Variants in AGBL5 observed in about 807,000 individuals in gnomAD.
AGBL5 encodes cytosolic carboxypeptidase-like protein 5.
Under a neutral mutation model 88.0 loss-of-function variants are expected in AGBL5, and 51 were observed. The ratio of observed to expected loss-of-function variants is 0.58; its 90% confidence interval spans 0.46 to 0.73. The LOEUF is 0.73. AGBL5 is among the 30% of genes least tolerant of loss of function. The pLI, the probability that AGBL5 is intolerant of heterozygous loss-of-function variation, is 0.00. For synonymous variants in AGBL5, 446 were observed against 438.8 expected (o/e 1.02, Z -0.21); for missense variants, 1,031 against 1,162.2 (o/e 0.89, Z 1.64).
chr2:27,068,048 G>A (rs530570133), intron 12 of AGBL5, among the ~76,000 whole-genome samples: 24 of 152,272 alleles, frequency 1.6e-4, no homozygotes, highest in Middle Eastern at 3.4e-3. Context: ...GTGTGTAGCC[G>A]TATCATTCAC....
chr2:27,057,646 A>G (rs1187401987), intron 9 of AGBL5, among the ~76,000 whole-genome samples: 1 of 152,246 alleles, frequency 6.6e-6, no homozygotes, highest in East Asian at 1.9e-4. Context: ...CTGACCCCAC[A>G]TCACAGAGAA....
chr2:27,059,598 T>TGGC (rs540067332), intron 11 of AGBL5, 194 bp downstream of exon 11: 2 of 1,343,534 alleles, frequency 1.5e-6, no homozygotes, highest in Non-Finnish European at 2.0e-6. Flanking sequence ...GTATTGTGTG[T>TGGC]GGCCAGAGGG....
chr2:27,057,802 G>A (rs560475175), intron 9 of AGBL5, among the ~76,000 whole-genome samples: 1 of 152,324 alleles, frequency 6.6e-6, no homozygotes. Flanking sequence ...CTGGCCAGGT[G>A]CGGTGGCTCA....
intron 6 of AGBL5, 121 bp downstream of exon 6, chr2:27,055,374 C>A: frequency 7.6e-7 from 1 of 1,313,154 alleles, no homozygotes; most frequent in Non-Finnish European, 1.1e-6. Flanking sequence ...CTAATAAAGG[C>A]AAGCCCATCT....
intron 11 of AGBL5, among the ~76,000 whole-genome samples, chr2:27,060,064 G>A (rs1454975787): frequency 3.3e-5 from 5 of 152,194 alleles, no homozygotes; most frequent in Admixed American, 6.5e-5. Flanking sequence ...CAGGAGAATC[G>A]CTTGAACCCA....
chr2:27,058,418 A>G lies in AGBL5; in HGVS notation c.1690A>G (p.Ile564Val), dbSNP rs367947882. Residue 564 changes from isoleucine to valine, a missense_variant, in exon 10 of 15, where the codon ATT (isoleucine) becomes GTT (valine). Ile to Val is a conservative substitution (Grantham distance 29). Transcript: ENST00000360131. The stretch of plus-strand genomic sequence containing the variant: ...CCCACAGGTGGGACGAGCTATGGCC[A>G]TTGCAGCCCTGGACATGGCGGAATG... ...LFEQVGRAMAIAALDMAECNP... is the reference protein window; with the variant it reads ...LFEQVGRAMAVAALDMAECNP... 1.1e-4 allele frequency: 174 copies of G among 1,613,158 alleles called. No homozygotes were observed. The highest frequency in any genetic ancestry group is 1.0e-4 in the Non-Finnish European group (119 of 1,180,042).
At position 27,069,690 on chromosome 2, in the gene AGBL5, T is replaced by C; in HGVS notation, c.2473T>C (p.Cys825Arg). ...GAGCAGTGAGCTGGAGCTGGGATCC[T>C]GCTCTGCTACACCAGGGTGAGCACT... Reference protein sequence around the residue: ...RESSELELGSCSATPGLPQAR... With the variant: ...RESSELELGSRSATPGLPQAR... The change falls in exon 14 of 15, where the codon TGC becomes CGC. Residue 825 changes from cysteine to arginine, a missense_variant. Coordinates refer to ENST00000360131, the MANE Select transcript of AGBL5 (RefSeq NM_021831.6). 6.2e-7 allele frequency: 1 copy of C among 1,614,094 alleles called. No individual in the cohort carries two copies. Among genetic ancestry groups the C allele is most frequent in the Non-Finnish European group, 8.5e-7 (1 of 1,179,978 alleles).
Position 27,053,669 on chromosome 2 carries a change from T to G in AGBL5, c.387+96T>G. 1 of 1,478,810 alleles carries G rather than the reference T, an allele frequency of 6.8e-7. No homozygotes were observed. Among genetic ancestry groups the G allele is most frequent in the South Asian group, 1.4e-5 (1 of 73,508 alleles). 91.6% of individuals were successfully genotyped at this position (1,478,810 alleles called of 1,614,324 possible). ...TTCCTTGATACAAGTATGAAGCAGGTGGGACAACAGGTTTAAGTATCAGCT... is the reference window on the plus strand; with the variant it reads ...TTCCTTGATACAAGTATGAAGCAGGGGGGACAACAGGTTTAAGTATCAGCT... On this transcript the variant is annotated intron_variant, in intron 3 of 14. Coordinates refer to ENST00000360131, the MANE Select transcript of AGBL5 (RefSeq NM_021831.6). This position sits in a 1 kb window ranked among gnomAD's most constrained non-coding sequence, Gnocchi z 4.9.
At chr2:27,056,850 G>A in intron 8 of AGBL5, 58 bp downstream of exon 8, 1 of 1,523,664 alleles carries the variant, frequency 6.6e-7, no homozygotes, top group Non-Finnish European at 8.9e-7. Flanking sequence ...AAACACCGTA[G>A]CTGGGTGTGG....
At position 27,053,917 on chromosome 2, in the gene AGBL5, T is replaced by C; in HGVS notation, c.409T>C (p.Leu137=). The change falls in exon 4 of 15, where the codon TTA becomes CTA. Residue 137 remains leucine (L), a synonymous_variant. Transcript: ENST00000360131. The surrounding 1 kb of genome is among the most constrained non-coding windows in gnomAD (Gnocchi z 4.9). ...TCAGATGACAGAGACGCAGTTTGTG[T>C]TATCCTTTGTTCATCGTTTCGTGGA... ...TFEMTETQFV[L]SFVHRFVEGR... 2 of 1,614,022 alleles carry C rather than the reference T, an allele frequency of 1.2e-6. No individual in the cohort carries two copies. The highest frequency in any genetic ancestry group is 1.1e-5 in the South Asian group (1 of 91,052).
intron 13 of AGBL5, 161 bp downstream of exon 13, chr2:27,068,905 C>T (rs1669129700): frequency 1.3e-6 from 2 of 1,492,976 alleles, no homozygotes; most frequent in Non-Finnish European, 1.8e-6. Flanking sequence ...CTGTCCAGTC[C>T]CCTTCCTGCC....
chr2:27,065,772 A>G (rs1668955856), intron 11 of AGBL5, among the ~76,000 whole-genome samples: 1 of 152,172 alleles, frequency 6.6e-6, no homozygotes, highest in African/African-American at 2.4e-5. Flanking sequence ...AACATTTGAG[A>G]TGGGACATGA....
chr2:27,064,101 C>T (rs1483965597), intron 11 of AGBL5, among the ~76,000 whole-genome samples: 1 of 152,160 alleles, frequency 6.6e-6, no homozygotes, highest in Admixed American at 6.5e-5. Context: ...GCCTACTGTG[C>T]ACTGTCAGCT....
upstream of AGBL5, chr2:27,050,885 T>C (rs1227526637): frequency 2.0e-5 from 3 of 152,218 alleles, no homozygotes; most frequent in Admixed American, 6.5e-5. Context: ...GTCTGTAATT[T>C]TTAACCTCAA....
In AGBL5 at chr2:27,058,603, G is replaced by A; in HGVS notation, c.1874+1G>A. The stretch of plus-strand genomic sequence containing the variant: ...TTCGAACTCCACCCAAAAGTCACAA[G>A]TAAGGCCAGCAAAATAGGAGGGAGA... On this transcript the variant is annotated splice_donor_variant, in intron 10 of 14. Transcript: ENST00000360131. LOFTEE classifies it high-confidence loss of function. The A allele has an allele frequency of 6.2e-7, 1 of 1,613,908 alleles. No individual in the cohort carries two copies. The highest frequency in any genetic ancestry group is 8.5e-7 in the Non-Finnish European group (1 of 1,179,978).
At chr2:27,062,958 CTG>C (rs1202206487) in intron 11 of AGBL5, 1 of 152,206 alleles carries the variant, frequency 6.6e-6, no homozygotes, top group Non-Finnish European at 1.5e-5. Context: ...ATGGCAACAA[CTG>C]TGTGTTTCTA....
chr2:27,069,169 T>C, intron 13 of AGBL5: 1 of 1,342,136 alleles, frequency 7.5e-7, no homozygotes, highest in Non-Finnish European at 9.8e-7. Flanking sequence ...CCATGCTAGG[T>C]AAAGCTGAGT....
chr2:27,062,618 G>A (rs1461539749), intron 11 of AGBL5: 1 of 152,186 alleles, frequency 6.6e-6, no homozygotes, highest in Non-Finnish European at 1.5e-5. Flanking sequence ...GGGGAAACAG[G>A]ACAGTAAATA....
intron 12 of AGBL5, among the ~76,000 whole-genome samples, chr2:27,068,000 C>T (rs563149819): frequency 6.6e-6 from 1 of 152,328 alleles, no homozygotes; most frequent in South Asian, 2.1e-4. Flanking sequence ...ATGAAAAAAG[C>T]ATGACGGTAC....
Sources: gnomAD v4.1 joint callset for allele counts (sites outside exome capture counted in the v4.1 genomes callset) on GRCh38, gnomAD v4.1.1 for gene constraint, Gnocchi (gnomAD v3.1) non-coding constraint, MANE v1.5 for transcripts, NCBI Gene and HGNC (gene_info 2026-07-23, HGNC 2026-07-21) for gene names.